The following TNFSF13B variants were observed in gnomAD, a reference collection of about 807,000 sequenced individuals.
TNFSF13B encodes tumor necrosis factor ligand superfamily member 13B.
In TNFSF13B, 8 loss-of-function variants were observed where a neutral mutation model predicts 29.1. The observed-to-expected ratio is 0.27, with a 90% CI of 0.16 to 0.50. The LOEUF is 0.50. TNFSF13B is among the 20% of genes least tolerant of loss of function. The pLI, the probability that TNFSF13B is intolerant of heterozygous loss-of-function variation, is 0.98. For synonymous variants in TNFSF13B, 125 were observed against 130.8 expected, an observed-to-expected ratio of 0.96 and a Z score of 0.30; for missense variants, 248 against 334.9, an observed-to-expected ratio of 0.74 and a Z score of 2.03.
At position 108,269,803 on chromosome 13, in the gene TNFSF13B, G is replaced by A. The variant is rs1373107014; in HGVS notation, c.-93G>A. On this transcript the variant is annotated 5_prime_UTR_variant, in exon 1 of 6. Coordinates refer to ENST00000375887, the MANE Select transcript of TNFSF13B (RefSeq NM_006573.5). ...AGCCAAGCCCTGCCATGTAGTGCAC[G>A]CAGGACATCAACAAACACAGATAAC... 2 of 1,226,404 alleles carry A rather than the reference G, an allele frequency of 1.6e-6. No homozygotes were observed. The highest frequency in any genetic ancestry group is 3.0e-5 in the African/African-American group (2 of 66,160). 76.0% of individuals were successfully genotyped at this position (1,226,404 alleles called of 1,614,324 possible). A position where few individuals can be genotyped will look rare whatever the true frequency, so the allele number is the denominator to read the frequency against.
chr13:108,295,616 T>G (rs1881441755), intron 3 of TNFSF13B, among the ~76,000 whole-genome samples: 1 of 145,760 alleles, frequency 6.9e-6, no homozygotes. Flanking sequence ...TCTATTTCCT[T>G]AAGCTGAACT....
chr13:108,277,224 G>C (rs1880786165), intron 2 of TNFSF13B, among the ~76,000 whole-genome samples: 1 of 152,188 alleles, frequency 6.6e-6, no homozygotes, highest in African/African-American at 2.4e-5. Context: ...GCAACCCAGA[G>C]AATCAATTGC....
At chr13:108,277,981 G>C (rs1298275507) in intron 2 of TNFSF13B, among the ~76,000 whole-genome samples, 1 of 152,146 alleles carries the variant, frequency 6.6e-6, no homozygotes, top group Non-Finnish European at 1.5e-5. Context: ...ATTTTACCCA[G>C]CTCCTATCCA....
intron 2 of TNFSF13B, among the ~76,000 whole-genome samples, 168 bp from the exon 3 acceptor site, chr13:108,286,635 A>G (rs1369668658): frequency 6.6e-6 from 1 of 152,134 alleles, no homozygotes; most frequent in African/African-American, 2.4e-5. Flanking sequence ...TATCATATAT[A>G]TAAATCAATG....
rs763097249 is a variant in TNFSF13B, at chr13:108,303,537, G to A, written c.678G>A (p.Leu226=). Residue 226 remains leucine, a synonymous_variant, in exon 5 of 6, where the codon CTG becomes CTA. Coordinates refer to ENST00000375887, the MANE Select transcript of TNFSF13B (RefSeq NM_006573.5). ...ATGTCTTTGGGGATGAATTGAGTCT[G>A]GTGACTTTGTTTCGATGTATTCAAA... ...KVHVFGDELS[L]VTLFRCIQNM... is the part of the protein sequence containing the mutation. 1 of 1,613,596 alleles carries A rather than the reference G, an allele frequency of 6.2e-7. No homozygotes were observed.
At chr13:108,287,206 C>G (rs1189183998) in intron 3 of TNFSF13B, among the ~76,000 whole-genome samples, 1 of 151,974 alleles carries the variant, frequency 6.6e-6, no homozygotes, top group Non-Finnish European at 1.5e-5. Flanking sequence ...ACCAACATGG[C>G]ACATGTATAC....
At chr13:108,291,923 G>A (rs200546482) in intron 3 of TNFSF13B, among the ~76,000 whole-genome samples, 40 of 151,948 alleles carry the variant, frequency 2.6e-4, no homozygotes, top group Non-Finnish European at 5.0e-4. Flanking sequence ...TTCTGTTAGC[G>A]TAGACTTCTA....
At chr13:108,299,538 C>T (rs958471574) in intron 3 of TNFSF13B, among the ~76,000 whole-genome samples, 4 of 151,790 alleles carry the variant, frequency 2.6e-5, no homozygotes, top group African/African-American at 9.7e-5. Context: ...ACACAGGAGT[C>T]CTTCTTCTAT....
chr13:108,303,464 C>G lies in TNFSF13B; in HGVS notation c.605C>G (p.Thr202Ser). 2 of 1,610,760 alleles carry G rather than the reference C, an allele frequency of 1.2e-6. No individual in the cohort carries two copies. Among genetic ancestry groups the G allele is most frequent in the Non-Finnish European group, 1.7e-6 (2 of 1,178,992 alleles). Residue 202 changes from threonine (T) to serine (S), a missense_variant, in exon 5 of 6, where the codon ACT (threonine) becomes AGT (serine). Physicochemically the swap from Thr to Ser is moderately conservative, Grantham distance 58. This residue lies in a region of TNFSF13B where 62 missense variants were observed against 138.6 expected (regional missense o/e 0.45). Transcript: ENST00000375887. The stretch of plus-strand genomic sequence containing the variant: ...TGGTTTGTTTCTTAGGTTTTATATA[C>G]TGATAAGACCTACGCCATGGGACAT... Reference protein sequence around the residue: ...YFFIYGQVLYTDKTYAMGHLI... With the variant: ...YFFIYGQVLYSDKTYAMGHLI...
intron 3 of TNFSF13B, among the ~76,000 whole-genome samples, chr13:108,289,666 A>G (rs918269192): frequency 1.3e-5 from 2 of 149,158 alleles, no homozygotes; most frequent in African/African-American, 4.9e-5. Context: ...CATATTGTAT[A>G]TATTATCTTA....
At position 108,303,253 on chromosome 13, in the gene TNFSF13B, G is replaced by C. The variant is rs773976500; in HGVS notation, c.482G>C (p.Gly161Ala). The change falls in exon 4 of 6, where the codon GGA (glycine) becomes GCA (alanine). Residue 161 changes from glycine (G) to alanine (A), a missense_variant and splice_region_variant. Physicochemically the swap from Gly to Ala is moderately conservative, Grantham distance 60 (BLOSUM62 0). Coordinates refer to ENST00000375887, the MANE Select transcript of TNFSF13B (RefSeq NM_006573.5). ...TTATAAATGATTCTCTTCATTGCAGGATCTTACACATTTGTTCCATGGCTT... is the reference window on the plus strand; with the variant it reads ...TTATAAATGATTCTCTTCATTGCAGCATCTTACACATTTGTTCCATGGCTT... ...ADSETPTIQK[G>A]SYTFVPWLLS... 1 of 1,601,128 alleles carries C rather than the reference G, an allele frequency of 6.2e-7. No individual in the cohort carries two copies. Among genetic ancestry groups the C allele is most frequent in the African/African-American group, 1.3e-5 (1 of 74,280 alleles).
rs943683286 is a variant in TNFSF13B at position 108,297,724 on chromosome 13, A to G, written c.482-5529A>G. 8.2e-5 allele frequency among the ~76,000 whole-genome samples: 12 copies of G among 145,878 alleles called. 1 individual carries two copies. The highest frequency in any genetic ancestry group is 2.1e-4 in the South Asian group (1 of 4,682). On this transcript the variant is annotated intron_variant, in intron 3 of 5. Coordinates refer to ENST00000375887, the MANE Select transcript of TNFSF13B (RefSeq NM_006573.5). ...GGTACAGAGATATCTCATAGACCTC[A>G]TATTCCCTACGGATGCATATCCTCC...
intron 2 of TNFSF13B, among the ~76,000 whole-genome samples, chr13:108,271,114 G>C (rs1880601838): frequency 6.6e-6 from 1 of 151,982 alleles, no homozygotes; most frequent in Non-Finnish European, 1.5e-5. Flanking sequence ...ACTTTACAGA[G>C]TTGGTGGGGC....
chr13:108,290,481 A>C (rs183012022), intron 3 of TNFSF13B, among the ~76,000 whole-genome samples: 1 of 152,242 alleles, frequency 6.6e-6, no homozygotes, highest in Non-Finnish European at 1.5e-5. Flanking sequence ...TCAGGTGAAA[A>C]ATAGCATCTC....
chr13:108,302,794 A>G, intron 3 of TNFSF13B: 4 of 985,836 alleles, frequency 4.1e-6, no homozygotes, highest in South Asian at 4.7e-5. Flanking sequence ...CTGTTGCCAC[A>G]TTTGGGCCAA....
intron 5 of TNFSF13B, among the ~76,000 whole-genome samples, chr13:108,304,204 T>C (rs1204362371): frequency 6.6e-6 from 1 of 152,088 alleles, no homozygotes; most frequent in Non-Finnish European, 1.5e-5. Context: ...CTGGCCAGGC[T>C]TGAGGGTAAG....
intron 5 of TNFSF13B, among the ~76,000 whole-genome samples, chr13:108,304,140 G>T (rs116006462): frequency 0.012 from 1,815 of 152,274 alleles, 46 homozygotes; most frequent in African/African-American, 0.041. Flanking sequence ...AGCCAGTCTG[G>T]CTCCGCACCG....
At chr13:108,300,612 C>T (rs945051299) in intron 3 of TNFSF13B, among the ~76,000 whole-genome samples, 1 of 152,140 alleles carries the variant, frequency 6.6e-6, no homozygotes, top group Non-Finnish European at 1.5e-5. Flanking sequence ...AATCTTTTCA[C>T]TGAAATTATA....
chr13:108,286,830 C>A lies in TNFSF13B; in HGVS notation c.452C>A (p.Ala151Glu). The change falls in exon 3 of 6, where the codon GCA becomes GAA. Residue 151 changes from alanine to glutamate, a missense_variant. Around this residue, in one of 2 missense-constraint regions of TNFSF13B, gnomAD observed 186 missense variants for 196.3 expected, o/e 0.95. Transcript: ENST00000375887. ...ACTCAAGACTGCTTGCAACTGATTG[C>A]AGACAGTGAAACACCAACTATACAA... The part of the protein sequence containing the change: ...TVTQDCLQLI[A>E]DSETPTIQKG... The A allele has an allele frequency of 1.3e-6, 2 of 1,571,388 alleles. No individual in the cohort carries two copies. The highest frequency in any genetic ancestry group is 1.7e-6 in the Non-Finnish European group (2 of 1,153,732).
Sources: allele counts gnomAD v4.1 joint callset (sites outside exome capture counted in the v4.1 genomes callset), GRCh38; gene constraint gnomAD v4.1.1; regional missense constraint gnomAD v4.1.1; transcripts MANE v1.5; gene names NCBI Gene and HGNC (gene_info 2026-07-23, HGNC 2026-07-21).